The following CLSTN2 variants were observed in gnomAD, a reference collection of about 807,000 sequenced individuals.
CLSTN2 encodes calsyntenin-2.
CLSTN2 carries 48 observed loss-of-function variants against 101.2 expected under a neutral mutation model. The ratio of observed to expected loss-of-function variants is 0.47; its 90% CI spans 0.38 to 0.60. CLSTN2 has a LOEUF of 0.60. CLSTN2 is among the 20% of genes least tolerant of loss of function. The probability of loss-of-function intolerance (pLI) is 0.00; values close to 1 mark genes in which losing one functional copy is unlikely to be tolerated. For missense variants in CLSTN2, 1,160 were observed against 1,238.2 expected (o/e 0.94, Z 0.95); for synonymous variants, 481 against 463.6 (o/e 1.04, Z -0.48).
intron 1 of CLSTN2, among the ~76,000 whole-genome samples, chr3:139,966,410 A>T (rs1340508184): frequency 6.6e-6 from 1 of 152,084 alleles, no homozygotes; most frequent in Non-Finnish European, 1.5e-5. Context: ...TACTTCCCCT[A>T]TTATGCCTTG....
intron 1 of CLSTN2, among the ~76,000 whole-genome samples, chr3:140,077,772 C>T (rs2008516958): frequency 6.6e-6 from 1 of 152,052 alleles, no homozygotes; most frequent in Non-Finnish European, 1.5e-5. Context: ...AAAGCTCTTT[C>T]CTCTGTTGTC....
At chr3:140,229,907 A>T (rs1262892765) in intron 2 of CLSTN2, among the ~76,000 whole-genome samples, 2 of 152,076 alleles carry the variant, frequency 1.3e-5, no homozygotes, top group Admixed American at 1.3e-4. Context: ...GTGTATCCTG[A>T]TCGTCCCTCT....
intron 1 of CLSTN2, among the ~76,000 whole-genome samples, chr3:139,982,563 G>C (rs181570742): frequency 2.7e-4 from 41 of 152,280 alleles, no homozygotes; most frequent in Admixed American, 8.5e-4. Flanking sequence ...ATAGATCTGA[G>C]AAAGCGATGT....
intron 8 of CLSTN2, among the ~76,000 whole-genome samples, chr3:140,509,899 C>G (rs540538335): frequency 6.6e-6 from 1 of 152,162 alleles, no homozygotes; most frequent in Admixed American, 6.5e-5. Context: ...AATATAGATG[C>G]TCCTCAACTT....
At chr3:140,520,038 A>G (rs1934995000) in intron 8 of CLSTN2, among the ~76,000 whole-genome samples, 1 of 152,154 alleles carries the variant, frequency 6.6e-6, no homozygotes, top group Non-Finnish European at 1.5e-5. Flanking sequence ...CTTGCCTGAA[A>G]AGGATCTTAT....
intron 2 of CLSTN2, among the ~76,000 whole-genome samples, chr3:140,283,862 G>T (rs969765765): frequency 6.6e-6 from 1 of 152,172 alleles, no homozygotes; most frequent in Admixed American, 6.5e-5. Flanking sequence ...GCCAGGAACT[G>T]GGTGTGTGGC....
intron 5 of CLSTN2, among the ~76,000 whole-genome samples, chr3:140,445,180 C>T (rs1933049197): frequency 6.6e-6 from 1 of 152,136 alleles, no homozygotes; most frequent in Non-Finnish European, 1.5e-5. Context: ...CAGAGAGGGC[C>T]CTGCCCTGCC....
chr3:140,063,083 G>A (rs2008234288), intron 1 of CLSTN2, among the ~76,000 whole-genome samples: 1 of 152,256 alleles, frequency 6.6e-6, no homozygotes, highest in South Asian at 2.1e-4. Context: ...AGTGATTAAT[G>A]TAAATGACAT....
At chr3:140,297,549 G>C (rs967191214) in intron 2 of CLSTN2, among the ~76,000 whole-genome samples, 1 of 152,162 alleles carries the variant, frequency 6.6e-6, no homozygotes, top group African/African-American at 2.4e-5. Flanking sequence ...TTTGGGCTTT[G>C]TAGGCCAAGA....
chr3:139,948,317 T>A (rs1935243355), intron 1 of CLSTN2, among the ~76,000 whole-genome samples: 1 of 152,072 alleles, frequency 6.6e-6, no homozygotes, highest in Admixed American at 6.5e-5. Flanking sequence ...ATATTGCTAC[T>A]TTTTGGGCAT....
At chr3:140,290,423 T>C (rs1329718142) in intron 2 of CLSTN2, among the ~76,000 whole-genome samples, 2 of 152,124 alleles carry the variant, frequency 1.3e-5, no homozygotes, top group African/African-American at 4.8e-5. Context: ...AAGGGGTTCA[T>C]TGATGTGGAC....
chr3:140,225,486 T>TTTTTTG (rs1559811476), intron 2 of CLSTN2, among the ~76,000 whole-genome samples: 3 of 150,770 alleles, frequency 2.0e-5, no homozygotes, highest in African/African-American at 7.3e-5. Context: ...GCACTGACAT[T>TTTTTTG]TTTGTTTGTT....
intron 1 of CLSTN2, among the ~76,000 whole-genome samples, chr3:140,052,418 A>T (rs1355502901): frequency 6.6e-6 from 1 of 152,102 alleles, no homozygotes; most frequent in Non-Finnish European, 1.5e-5. Flanking sequence ...GGCCTCCCAA[A>T]GTGCTGAGAT....
chr3:140,070,030 G>A (rs2008364279), intron 1 of CLSTN2, among the ~76,000 whole-genome samples: 1 of 152,212 alleles, frequency 6.6e-6, no homozygotes, highest in African/African-American at 2.4e-5. Flanking sequence ...GTGGGAAAGT[G>A]CTCCATAAAC....
rs537564676 is a variant in CLSTN2, at chr3:140,433,300, G to A, written c.787+12026G>A. ...ACCACTGGGACCTGTCTTCATTCAG[G>A]ATAACAAGGTCATTCATCATTCAAC... On this transcript the variant is annotated intron_variant, in intron 5 of 16. Coordinates refer to ENST00000458420, the MANE Select transcript of CLSTN2 (RefSeq NM_022131.3). 2.6e-5 allele frequency among the ~76,000 whole-genome samples: 4 copies of A among 152,312 alleles called. No homozygotes were observed. In the South Asian group the frequency reaches 8.3e-4, roughly 32 times the overall value.
intron 8 of CLSTN2, among the ~76,000 whole-genome samples, chr3:140,527,195 T>G (rs563693238): frequency 6.6e-6 from 1 of 152,178 alleles, no homozygotes; most frequent in Non-Finnish European, 1.5e-5. Flanking sequence ...AACAGAATTC[T>G]AATATCCAGA....
rs2088507066 is a variant in CLSTN2, at chr3:140,421,604, G to A, written c.787+330G>A. On this transcript the variant is annotated intron_variant, in intron 5 of 16. Coordinates refer to ENST00000458420, the MANE Select transcript of CLSTN2 (RefSeq NM_022131.3). Reference sequence around the variant, plus strand: ...GCAAGCCTATTCACTTTACCCCAGGGTGCTGGGTCTACCTGATGCATTTCA... The same window carrying A: ...GCAAGCCTATTCACTTTACCCCAGGATGCTGGGTCTACCTGATGCATTTCA... Among the ~76,000 whole-genome samples the A allele has an allele frequency of 2.0e-5, 3 of 152,186 alleles. No individual in the cohort carries two copies. The South Asian group carries it at 6.2e-4, about 32-fold the overall frequency.
intron 7 of CLSTN2, chr3:140,460,922 A>T (rs1440387645): frequency 6.6e-6 from 1 of 152,168 alleles, no homozygotes; most frequent in East Asian, 1.9e-4. Context: ...CAGCTTGACC[A>T]CTTCTTAAGG....
intron 1 of CLSTN2, among the ~76,000 whole-genome samples, chr3:139,964,874 C>G (rs1023528882): frequency 6.6e-6 from 1 of 152,152 alleles, no homozygotes; most frequent in African/African-American, 2.4e-5. Flanking sequence ...CATCTTTGTC[C>G]CATTACGGCT....
Sources: allele counts gnomAD v4.1 joint callset (sites outside exome capture counted in the v4.1 genomes callset), GRCh38; gene constraint gnomAD v4.1.1; transcripts MANE v1.5; gene names NCBI Gene and HGNC (gene_info 2026-07-23, HGNC 2026-07-21).